Variants in ASTN2 observed in about 807,000 individuals in gnomAD.
The protein encoded by ASTN2 is astrotactin 2, also known as astrotactin-2.
In ASTN2, 54 loss-of-function variants were observed where a neutral mutation model predicts 139.8. That is an observed-to-expected ratio of 0.39 (90% CI 0.31 to 0.48). The LOEUF is 0.48. ASTN2 is among the 20% of genes least tolerant of loss of function. ASTN2 has a pLI of 0.95. For synonymous variants in ASTN2, 756 were observed against 719.5 expected, an observed-to-expected ratio of 1.05 and a Z score of -0.81; for missense variants, 1,565 against 1,725.1, an observed-to-expected ratio of 0.91 and a Z score of 1.64.
chr9:116,717,377 G>A (rs542921346), intron 16 of ASTN2, among the ~76,000 whole-genome samples: 1 of 152,182 alleles, frequency 6.6e-6, no homozygotes, highest in South Asian at 2.1e-4. Context: ...ATCCTGTATC[G>A]TCTTTTTGCA....
At chr9:117,320,512 T>A (rs932938230) in intron 1 of ASTN2, among the ~76,000 whole-genome samples, 4 of 152,196 alleles carry the variant, frequency 2.6e-5, no homozygotes, top group Admixed American at 6.6e-5. Flanking sequence ...TCACAACCTA[T>A]GAGGAAATAG....
At chr9:117,060,408 A>G (rs1240166472) in intron 5 of ASTN2, among the ~76,000 whole-genome samples, 6 of 62,398 alleles carry the variant, frequency 9.6e-5, no homozygotes, top group African/African-American at 2.0e-4. Flanking sequence ...GAAAGAAAGA[A>G]AGAAGGAAAG....
In ASTN2 at chr9:116,983,092, C is replaced by T. The variant is rs148276398; in HGVS notation, c.1592-6307G>A. Reference sequence around the variant, plus strand: ...TAACTCAGTCATCACTTATCATCACCGGCCAGGGATGCTGCCTGCTGTTCA... The same window carrying T: ...TAACTCAGTCATCACTTATCATCACTGGCCAGGGATGCTGCCTGCTGTTCA... On this transcript the variant is annotated intron_variant, in intron 7 of 22. Transcript: ENST00000313400. 1.3e-4 allele frequency among the ~76,000 whole-genome samples: 20 copies of T among 152,300 alleles called. 1 individual carries two copies. Among genetic ancestry groups the T allele is most frequent in the South Asian group, 4.1e-4 (2 of 4,828 alleles).
At chr9:117,141,661 A>C (rs1432666835) in intron 3 of ASTN2, among the ~76,000 whole-genome samples, 183 bp from the exon 4 acceptor site, 5 of 152,200 alleles carry the variant, frequency 3.3e-5, no homozygotes, top group Admixed American at 3.3e-4. Flanking sequence ...TTGCAGTCTA[A>C]CTGCAGATGT....
chr9:116,486,896 G>A (rs1259470386), intron 20 of ASTN2, among the ~76,000 whole-genome samples: 1 of 150,850 alleles, frequency 6.6e-6, no homozygotes, highest in Non-Finnish European at 1.5e-5. Flanking sequence ...ATAAAAAAGT[G>A]TATATTGTAT....
chr9:117,409,762 A>G (rs969317493), intron 1 of ASTN2, among the ~76,000 whole-genome samples: 4 of 152,168 alleles, frequency 2.6e-5, no homozygotes, highest in Non-Finnish European at 5.9e-5. Flanking sequence ...CAGCCTCCCA[A>G]GTAGCCACCA....
intron 1 of ASTN2, among the ~76,000 whole-genome samples, chr9:117,383,695 A>G (rs1274128527): frequency 6.6e-6 from 1 of 152,242 alleles, no homozygotes; most frequent in East Asian, 1.9e-4. Flanking sequence ...AAAAATATAT[A>G]TATTTAACAA....
At chr9:116,851,842 G>T (rs550170231) in intron 11 of ASTN2, among the ~76,000 whole-genome samples, 13 of 152,118 alleles carry the variant, frequency 8.5e-5, no homozygotes, top group Admixed American at 1.3e-4. Context: ...AAGTTGAGGG[G>T]TGCCAAATCC....
At chr9:116,847,007 CAAAAA>C (rs11302692) in intron 11 of ASTN2, among the ~76,000 whole-genome samples, 1,566 of 75,912 alleles carry the variant, frequency 0.021, 32 homozygotes, top group East Asian at 0.14. Context: ...GCTTCATTCT[CAAAAA>C]AAAAAAAAAA....
intron 1 of ASTN2, among the ~76,000 whole-genome samples, chr9:117,314,509 C>G (rs191417113): frequency 1.3e-5 from 2 of 150,990 alleles, no homozygotes; most frequent in East Asian, 3.9e-4. Flanking sequence ...TCAATATACC[C>G]CCTACCCAGA....
chr9:116,534,913 C>T (rs942801201), intron 19 of ASTN2, among the ~76,000 whole-genome samples: 2 of 152,070 alleles, frequency 1.3e-5, no homozygotes, highest in Non-Finnish European at 2.9e-5. Flanking sequence ...TCCTAGATAC[C>T]CTTGTTAACT....
intron 1 of ASTN2, among the ~76,000 whole-genome samples, chr9:117,333,514 G>T (rs966262730): frequency 6.6e-6 from 1 of 152,072 alleles, no homozygotes; most frequent in Non-Finnish European, 1.5e-5. Flanking sequence ...ACCAAAAGAT[G>T]CCCATGTAGG....
At chr9:117,293,262 G>A (rs1332829387) in intron 1 of ASTN2, among the ~76,000 whole-genome samples, 1 of 152,082 alleles carries the variant, frequency 6.6e-6, no homozygotes, top group Non-Finnish European at 1.5e-5. Flanking sequence ...TGTCTTGCCT[G>A]GCTTACTGCA....
At chr9:117,359,495 G>T (rs565151815) in intron 1 of ASTN2, among the ~76,000 whole-genome samples, 1 of 152,334 alleles carries the variant, frequency 6.6e-6, no homozygotes, top group South Asian at 2.1e-4. Flanking sequence ...TGAATTAAAA[G>T]ATATTGTTAA....
chr9:116,946,347 C>T (rs1258537494), intron 10 of ASTN2, among the ~76,000 whole-genome samples: 1 of 152,174 alleles, frequency 6.6e-6, no homozygotes, highest in Non-Finnish European at 1.5e-5. Flanking sequence ...GCAGAGACAT[C>T]CTGTGGAAGA....
intron 4 of ASTN2, among the ~76,000 whole-genome samples, chr9:117,120,984 A>AATTAATT: frequency 6.6e-6 from 1 of 152,208 alleles, no homozygotes; most frequent in African/African-American, 2.4e-5. Context: ...TGTAGTGTCT[A>AATTAATT]TGCTACAGGT....
intron 16 of ASTN2, chr9:116,687,281 G>T: frequency 2.0e-6 from 2 of 989,568 alleles, no homozygotes; most frequent in Non-Finnish European, 1.2e-6. Flanking sequence ...AGGGAGCTCT[G>T]CGAATTGGCG....
rs543262896 is a variant in ASTN2, at chr9:116,454,683, T to C, written c.3498-12130A>G. Among the ~76,000 whole-genome samples the C allele has an allele frequency of 6.6e-5, 10 of 152,322 alleles. No homozygotes were observed. The South Asian group carries it at 1.7e-3, about 25-fold the overall frequency. On this transcript the variant is annotated intron_variant, in intron 20 of 22. Coordinates refer to ENST00000313400, the MANE Select transcript of ASTN2 (RefSeq NM_001365068.1). Reference sequence around the variant, plus strand: ...GACTGGATTAAGAAAATGTGGCACATATATACCATGGAATACTATGCAGCC... The same window carrying C: ...GACTGGATTAAGAAAATGTGGCACACATATACCATGGAATACTATGCAGCC...
intron 10 of ASTN2, among the ~76,000 whole-genome samples, chr9:116,936,911 T>C (rs1835098442): frequency 6.6e-6 from 1 of 152,138 alleles, no homozygotes; most frequent in African/African-American, 2.4e-5. Flanking sequence ...CTGGACAAAT[T>C]GTTAGATGTG....
Sources: gnomAD v4.1 joint callset for allele counts (sites outside exome capture counted in the v4.1 genomes callset) on GRCh38, gnomAD v4.1.1 for gene constraint, MANE v1.5 for transcripts, NCBI Gene and HGNC (gene_info 2026-07-23, HGNC 2026-07-21) for gene names.